The following CERS6 variants were observed in gnomAD, a reference collection of about 807,000 sequenced individuals.
CERS6 encodes the protein ceramide synthase 6.
A neutral mutation model predicts 56.8 loss-of-function variants in CERS6; 26 were observed. The observed-to-expected ratio is 0.46, with a 90% CI of 0.34 to 0.63. CERS6 has a LOEUF of 0.63. Ranked by LOEUF, CERS6 falls within the 30% of genes least tolerant of loss-of-function variation. CERS6 has a pLI of 0.01. For synonymous variants in CERS6, 164 were observed against 173.3 expected (o/e 0.95, Z 0.42); for missense variants, 415 against 467.5 (o/e 0.89, Z 1.04).
chr2:168,603,241 G>A (rs1285644166), intron 3 of CERS6, among the ~76,000 whole-genome samples: 1 of 152,176 alleles, frequency 6.6e-6, no homozygotes, highest in Non-Finnish European at 1.5e-5. Context: ...GGGAAGAAAT[G>A]GGACTCTCCT....
intron 8 of CERS6, among the ~76,000 whole-genome samples, chr2:168,718,894 CAG>C (rs1559066071): frequency 2.0e-5 from 3 of 152,158 alleles, no homozygotes; most frequent in African/African-American, 7.2e-5. Flanking sequence ...CAGGTAGAGG[CAG>C]AGTCAGAAAA....
intron 4 of CERS6, among the ~76,000 whole-genome samples, chr2:168,666,817 C>A (rs1226242798): frequency 4.6e-5 from 7 of 152,178 alleles, no homozygotes; most frequent in African/African-American, 1.7e-4. Flanking sequence ...TCTCCTAAAA[C>A]CATATTCCAA....
At chr2:168,753,126 A>T (rs1684324900) in intron 8 of CERS6, among the ~76,000 whole-genome samples, 1 of 152,262 alleles carries the variant, frequency 6.6e-6, no homozygotes, top group Non-Finnish European at 1.5e-5. Context: ...GGATGAGGAA[A>T]CAGGCTTGGA....
At chr2:168,704,136 A>G (rs1393336331) in intron 6 of CERS6, among the ~76,000 whole-genome samples, 1 of 152,156 alleles carries the variant, frequency 6.6e-6, no homozygotes, top group Non-Finnish European at 1.5e-5. Context: ...AGGCTCTTAG[A>G]CATCTTTAGA....
In CERS6 at chr2:168,761,002, C is replaced by T. The variant is rs565649669; in HGVS notation, c.846-4590C>T. Among the ~76,000 whole-genome samples, 4 of 152,270 alleles carry T rather than the reference C, an allele frequency of 2.6e-5. No individual in the cohort carries two copies. The East Asian group carries it at 7.7e-4, about 29-fold the overall frequency. On this transcript the variant is annotated intron_variant, in intron 8 of 9. Transcript: ENST00000305747. ...TCGATCTCCTGACCTCGTGATCCGC[C>T]CGCCTCGGCCTCCCAAAGTGCTGGG...
chr2:168,672,003 G>A (rs765134633), intron 4 of CERS6, among the ~76,000 whole-genome samples: 2 of 152,164 alleles, frequency 1.3e-5, no homozygotes, highest in Non-Finnish European at 2.9e-5. Flanking sequence ...CTTCATATAA[G>A]TTTTCTAGAT....
At chr2:168,533,486 A>C (rs188234547) in intron 1 of CERS6, among the ~76,000 whole-genome samples, 1 of 152,298 alleles carries the variant, frequency 6.6e-6, no homozygotes. Context: ...ATTATGTTGA[A>C]TAGGAGTGGT....
intron 8 of CERS6, among the ~76,000 whole-genome samples, chr2:168,732,020 G>A (rs954701830): frequency 2.0e-5 from 3 of 152,148 alleles, no homozygotes; most frequent in African/African-American, 7.2e-5. Context: ...TCACAAAATA[G>A]GTTAAAGCTG....
chr2:168,594,713 A>G (rs951422448), intron 3 of CERS6, among the ~76,000 whole-genome samples: 3 of 152,168 alleles, frequency 2.0e-5, no homozygotes, highest in Non-Finnish European at 4.4e-5. Context: ...AACTCAGGTC[A>G]TGTTATTACC....
In CERS6 at chr2:168,541,926, C is replaced by T. The variant is rs867603739; in HGVS notation, c.171-5670C>T. On this transcript the variant is annotated intron_variant, in intron 1 of 9. Transcript: ENST00000305747. ...AGGCTTTTTTCCCTGGTTCCTGCAG[C>T]TAGAAAGAGGATGTGTTTTTCTATC... is the stretch of plus-strand genomic sequence containing the variant. Among the ~76,000 whole-genome samples the T allele has an allele frequency of 1.6e-4, 25 of 152,300 alleles. No individual in the cohort carries two copies. In the Middle Eastern group the frequency reaches 0.01, roughly 62 times the overall value.
At chr2:168,724,648 C>T (rs1008944720) in intron 8 of CERS6, among the ~76,000 whole-genome samples, 2 of 151,986 alleles carry the variant, frequency 1.3e-5, no homozygotes, top group African/African-American at 2.4e-5. Flanking sequence ...CAAGGCCCCA[C>T]CAGAGTAGCT....
chr2:168,755,804 A>G (rs779746422), intron 8 of CERS6, among the ~76,000 whole-genome samples: 1 of 152,206 alleles, frequency 6.6e-6, no homozygotes, highest in Non-Finnish European at 1.5e-5. Flanking sequence ...AGATGAGTTC[A>G]GTGAATTATC....
At chr2:168,766,102 G>A (rs766404754) in intron 9 of CERS6, among the ~76,000 whole-genome samples, 44 of 152,080 alleles carry the variant, frequency 2.9e-4, no homozygotes, top group Non-Finnish European at 5.0e-4. Context: ...GCTGTATGCC[G>A]GTTTAAACAA....
rs573020052 is a variant in CERS6 at position 168,656,857 on chromosome 2, T to C, written c.465+25815T>C. On this transcript the variant is annotated intron_variant, in intron 4 of 9. Transcript: ENST00000305747. Reference sequence around the variant, plus strand: ...CCTGTTTTGTCAGGGCGCTGATTGGTGCGTTTACAATCCCTGAGCTAGATA... The same window carrying C: ...CCTGTTTTGTCAGGGCGCTGATTGGCGCGTTTACAATCCCTGAGCTAGATA... Among the ~76,000 whole-genome samples, 1,471 of 152,228 alleles carry C rather than the reference T, an allele frequency of 9.7e-3. 30 individuals are homozygous for C. The highest frequency in any genetic ancestry group is 0.034 in the African/African-American group (1,392 of 41,542).
intron 8 of CERS6, among the ~76,000 whole-genome samples, chr2:168,730,926 A>G (rs545759125): frequency 2.0e-5 from 3 of 152,306 alleles, no homozygotes; most frequent in East Asian, 1.9e-4. Flanking sequence ...ACTCATTAAA[A>G]TATTTATTAA....
At chr2:168,504,941 G>A (rs560945211) in intron 1 of CERS6, among the ~76,000 whole-genome samples, 1 of 152,262 alleles carries the variant, frequency 6.6e-6, no homozygotes, top group East Asian at 1.9e-4. Flanking sequence ...ATTTAGCCAA[G>A]TGTATCAGGC....
At chr2:168,639,977 T>C (rs1300329322) in intron 4 of CERS6, among the ~76,000 whole-genome samples, 2 of 152,194 alleles carry the variant, frequency 1.3e-5, no homozygotes, top group African/African-American at 4.8e-5. Flanking sequence ...ATACTAGTTA[T>C]CTTGGAATGA....
At chr2:168,489,908 A>G (rs1694339947) in intron 1 of CERS6, among the ~76,000 whole-genome samples, 1 of 152,106 alleles carries the variant, frequency 6.6e-6, no homozygotes, top group Admixed American at 6.6e-5. Context: ...TATCCTGGAC[A>G]TTGTGTATGT....
chr2:168,673,017 G>A (rs1336712069), intron 4 of CERS6, among the ~76,000 whole-genome samples: 1 of 152,168 alleles, frequency 6.6e-6, no homozygotes, highest in Non-Finnish European at 1.5e-5. Flanking sequence ...CTGTTTATTT[G>A]AAGGACATAG....
Sources: gnomAD v4.1 joint callset for allele counts (sites outside exome capture counted in the v4.1 genomes callset) on GRCh38, gnomAD v4.1.1 for gene constraint, MANE v1.5 for transcripts, NCBI Gene and HGNC (gene_info 2026-07-23, HGNC 2026-07-21) for gene names.